Variants in CMIP observed in about 807,000 individuals in gnomAD.
The protein encoded by CMIP is C-Maf-inducing protein.
A neutral mutation model predicts 97.3 loss-of-function variants in CMIP; 13 were observed. The observed-to-expected ratio is 0.13, with a 90% CI of 0.09 to 0.21. The LOEUF (loss-of-function observed/expected upper bound fraction) is 0.21. Among genes scored for constraint, CMIP ranks in the 10% least tolerant of loss-of-function variants. CMIP has a pLI of 1.00. For missense variants in CMIP, 847 were observed against 1,024.9 expected, an observed-to-expected ratio of 0.83 and a Z score of 2.37; for synonymous variants, 538 against 436.3, an observed-to-expected ratio of 1.23 and a Z score of -2.91.
chr16:81,467,623 C>G (rs1907283827), intron 1 of CMIP, among the ~76,000 whole-genome samples: 1 of 151,068 alleles, frequency 6.6e-6, no homozygotes, highest in Non-Finnish European at 1.5e-5. Context: ...TTCTGTCACC[C>G]AGGCTGGAGT....
intron 9 of CMIP, among the ~76,000 whole-genome samples, chr16:81,677,440 C>T (rs1275490563): frequency 1.3e-5 from 2 of 152,136 alleles, no homozygotes; most frequent in Admixed American, 1.3e-4. Flanking sequence ...CCTTGCCGGC[C>T]CATGGGCACC....
intron 1 of CMIP, among the ~76,000 whole-genome samples, chr16:81,479,298 A>G (rs1009344326): frequency 6.6e-6 from 1 of 152,218 alleles, no homozygotes; most frequent in Admixed American, 6.5e-5. Flanking sequence ...GAGGTGGGCA[A>G]TGAATGTCTT....
chr16:81,703,079 C>T (rs191875267), intron 17 of CMIP, among the ~76,000 whole-genome samples: 8 of 152,096 alleles, frequency 5.3e-5, no homozygotes, highest in Admixed American at 3.3e-4. Flanking sequence ...ATTCTGATGC[C>T]CCCATTATAT....
intron 1 of CMIP, among the ~76,000 whole-genome samples, chr16:81,500,959 T>C (rs187195338): frequency 1.6e-4 from 25 of 152,354 alleles, no homozygotes; most frequent in South Asian, 6.2e-4. Flanking sequence ...TGAGAAATCA[T>C]TGGATTGCGC....
intron 1 of CMIP, among the ~76,000 whole-genome samples, chr16:81,577,052 C>G (rs12930309): frequency 7.2e-6 from 1 of 139,764 alleles, no homozygotes; most frequent in African/African-American, 2.9e-5. Flanking sequence ...ACCATCATAA[C>G]CATCACCTTT....
At chr16:81,510,998 G>C (rs1345997194) in intron 1 of CMIP, among the ~76,000 whole-genome samples, 1 of 152,148 alleles carries the variant, frequency 6.6e-6, no homozygotes, top group East Asian at 1.9e-4. Context: ...GGGATTACAG[G>C]CTTGGGCCAC....
intron 3 of CMIP, among the ~76,000 whole-genome samples, chr16:81,625,764 C>A (rs924839190): frequency 8.5e-5 from 13 of 152,234 alleles, no homozygotes; most frequent in African/African-American, 3.1e-4. Flanking sequence ...AGCCAGGATG[C>A]ACCTGCTATG....
chr16:81,518,843 T>TC (rs1273642433), intron 1 of CMIP: 2 of 150,678 alleles, frequency 1.3e-5, no homozygotes, highest in East Asian at 3.9e-4. Context: ...CTATTTTTTT[T>TC]TTTTTTTTTT....
chr16:81,577,871 A>G (rs1285814536), intron 1 of CMIP, among the ~76,000 whole-genome samples: 1 of 149,078 alleles, frequency 6.7e-6, no homozygotes, highest in Admixed American at 6.6e-5. Context: ...CACCTTCATC[A>G]TCACCATCAT....
At chr16:81,578,193 G>C (rs1597109460) in intron 1 of CMIP, among the ~76,000 whole-genome samples, 1 of 147,680 alleles carries the variant, frequency 6.8e-6, no homozygotes, top group African/African-American at 2.5e-5. Context: ...TATTATCACT[G>C]TCACCATCAC....
At chr16:81,578,543 A>T (rs1351519971) in intron 1 of CMIP, among the ~76,000 whole-genome samples, 2 of 152,172 alleles carry the variant, frequency 1.3e-5, no homozygotes, top group East Asian at 1.9e-4. Flanking sequence ...CTCATCTCGG[A>T]GCTCACATTG....
intron 1 of CMIP, among the ~76,000 whole-genome samples, chr16:81,488,445 C>G (rs2089354583): frequency 6.6e-6 from 1 of 152,126 alleles, no homozygotes; most frequent in Non-Finnish European, 1.5e-5. Context: ...AGAACTGGGC[C>G]CGATGCACGG....
intron 1 of CMIP, among the ~76,000 whole-genome samples, chr16:81,562,325 AG>A (rs1375779947): frequency 6.6e-6 from 1 of 152,236 alleles, no homozygotes; most frequent in African/African-American, 2.4e-5. Context: ...CCAAGGAGCC[AG>A]GATTCAAATC....
chr16:81,581,285 C>A (rs1375138647), intron 1 of CMIP, among the ~76,000 whole-genome samples: 2 of 152,118 alleles, frequency 1.3e-5, no homozygotes, highest in Non-Finnish European at 2.9e-5. Context: ...GGGATACGTT[C>A]CGGGAAGCGC....
At chr16:81,645,354 G>A in intron 3 of CMIP, 1 of 1,418,946 alleles carries the variant, frequency 7.0e-7, no homozygotes, top group South Asian at 1.4e-5. Context: ...ATGCGTGCTT[G>A]GGTGTGTACG....
intron 1 of CMIP, among the ~76,000 whole-genome samples, chr16:81,556,880 C>T (rs2090774747): frequency 6.6e-6 from 1 of 152,230 alleles, no homozygotes; most frequent in South Asian, 2.1e-4. Flanking sequence ...TGTGCAGGTC[C>T]TCAAGGCTGA....
chr16:81,492,584 G>A (rs1033261468), intron 1 of CMIP, among the ~76,000 whole-genome samples: 1 of 94,400 alleles, frequency 1.1e-5, no homozygotes, highest in Admixed American at 1.2e-4. Flanking sequence ...TAGCAGGGCC[G>A]GGCCTTGCTG....
chr16:81,612,324 C>T (rs1025087694), intron 2 of CMIP, among the ~76,000 whole-genome samples: 2 of 152,156 alleles, frequency 1.3e-5, no homozygotes, highest in African/African-American at 4.8e-5. Flanking sequence ...AGAGTGTCTG[C>T]TTCTTTCGGG....
chr16:81,622,912 G>T (rs943159893), intron 3 of CMIP, among the ~76,000 whole-genome samples: 6 of 152,236 alleles, frequency 3.9e-5, no homozygotes, highest in Non-Finnish European at 7.3e-5. Context: ...ACATTCAAAT[G>T]TCAAGGATTG....
Sources: allele counts gnomAD v4.1 joint callset (sites outside exome capture counted in the v4.1 genomes callset), GRCh38; gene constraint gnomAD v4.1.1; transcripts MANE v1.5; gene names NCBI Gene and HGNC (gene_info 2026-07-23, HGNC 2026-07-21).